SLC9A8: variants seen among roughly 807,000 people sequenced by gnomAD.
The protein encoded by SLC9A8 is solute carrier family 9 member A8, also known as sodium/hydrogen exchanger 8.
SLC9A8 carries 48 observed loss-of-function variants against 66.6 expected under a neutral mutation model. The observed-to-expected ratio is 0.72, with a 90% CI of 0.57 to 0.92. The LOEUF is 0.92. Among genes scored for constraint, SLC9A8 ranks in the 40% least tolerant of loss-of-function variants. The probability of loss-of-function intolerance (pLI) is 0.00; values close to 1 mark genes in which losing one functional copy is unlikely to be tolerated. For synonymous variants in SLC9A8, 274 were observed against 282.6 expected (o/e 0.97, Z 0.31); for missense variants, 599 against 747.3 (o/e 0.80, Z 2.31).
intron 3 of SLC9A8, chr20:49,830,063 A>G: frequency 1.4e-6 from 1 of 712,840 alleles, no homozygotes; most frequent in Non-Finnish European, 2.6e-6. Flanking sequence ...CGAGCCTGTT[A>G]AAGATGCAGA....
rs1285300751 is a variant in SLC9A8, at chr20:49,834,193, A to C, written c.290-5348A>C. Among the ~76,000 whole-genome samples the C allele has an allele frequency of 8.7e-3, 577 of 66,640 alleles. 5 individuals carry two copies. Among genetic ancestry groups the C allele is most frequent in the African/African-American group, 0.015 (264 of 17,874 alleles). The allele number at this position is 66,640 out of a possible 152,430, so 43.7% of individuals were successfully genotyped here. A position where few individuals can be genotyped will look rare whatever the true frequency, so the allele number is the denominator to read the frequency against. ...TCTCTCTCTCTCTCTCTCTATATATATATATATATATATATATATATACAC... is the reference window on the plus strand; with the variant it reads ...TCTCTCTCTCTCTCTCTCTATATATCTATATATATATATATATATATACAC... On this transcript the variant is annotated intron_variant, in intron 3 of 15. Coordinates refer to ENST00000361573, the MANE Select transcript of SLC9A8 (RefSeq NM_015266.3).
intron 3 of SLC9A8, among the ~76,000 whole-genome samples, chr20:49,836,792 C>G (rs1298014280): frequency 6.6e-6 from 1 of 152,096 alleles, no homozygotes; most frequent in Non-Finnish European, 1.5e-5. Context: ...TTTTACATTC[C>G]CATCAGCAAT....
At chr20:49,855,604 G>A (rs2088441411) in intron 8 of SLC9A8, 23 bp downstream of exon 8, 3 of 1,609,488 alleles carry the variant, frequency 1.9e-6, no homozygotes, top group African/African-American at 1.3e-5. Flanking sequence ...GCAGAGAACA[G>A]ACTTTTTTCA....
At chr20:49,867,646 C>G (rs1487508927) in intron 10 of SLC9A8, among the ~76,000 whole-genome samples, 1 of 152,234 alleles carries the variant, frequency 6.6e-6, no homozygotes, top group Admixed American at 6.5e-5. Flanking sequence ...GCCTCAGCCT[C>G]AGGCAGTCAG....
intron 3 of SLC9A8, among the ~76,000 whole-genome samples, chr20:49,837,727 C>T (rs548351402): frequency 2.7e-4 from 41 of 152,086 alleles, no homozygotes; most frequent in African/African-American, 9.6e-4. Context: ...CCGCCATGCC[C>T]GGCTAATTTT....
intron 8 of SLC9A8, 26 bp from the exon 9 acceptor site, chr20:49,862,899 AATTT>A (rs760226237): frequency 4.5e-6 from 7 of 1,556,046 alleles, no homozygotes; most frequent in Middle Eastern, 1.7e-4. Context: ...ATAACATTTT[AATTT>A]ATTTCTGTTT....
At position 49,891,058 on chromosome 20, in the gene SLC9A8, C is replaced by G. The variant is rs1221288598; in HGVS notation, c.*3122C>G. 6.6e-6 allele frequency: 1 copy of G among 152,252 alleles called. No homozygotes were observed. Among genetic ancestry groups the G allele is most frequent in the Non-Finnish European group, 1.5e-5 (1 of 68,108 alleles). 9.4% of individuals were successfully genotyped at this position (152,252 alleles called of 1,614,324 possible). Reference sequence around the variant, plus strand: ...CTTGGAGAGTCCTCAGCAGGGTAGCCGAGGCCAGGCCACTTCTGCTGAGGA... The same window carrying G: ...CTTGGAGAGTCCTCAGCAGGGTAGCGGAGGCCAGGCCACTTCTGCTGAGGA... On this transcript the variant is annotated 3_prime_UTR_variant, in exon 16 of 16. Transcript: ENST00000361573.
intron 3 of SLC9A8, among the ~76,000 whole-genome samples, chr20:49,823,945 G>A (rs900901646): frequency 6.6e-6 from 1 of 152,082 alleles, no homozygotes; most frequent in Admixed American, 6.5e-5. Flanking sequence ...AACTTTCATT[G>A]CCTGGTAGAT....
Position 49,815,710 on chromosome 20 carries a change from A to T in SLC9A8, c.208+521A>T, listed in dbSNP as rs139655318. Among the ~76,000 whole-genome samples the T allele has an allele frequency of 7.1e-3, 1,085 of 152,036 alleles. 13 individuals are homozygous for T. The highest frequency in any genetic ancestry group is 0.024 in the African/African-American group (1,012 of 41,472). ...CAGTGAGCCGAGATCACGCCGCTGCACTCCAGCCTGGATGACAGAGTAAGA... is the reference window on the plus strand; with the variant it reads ...CAGTGAGCCGAGATCACGCCGCTGCTCTCCAGCCTGGATGACAGAGTAAGA... On this transcript the variant is annotated intron_variant, in intron 2 of 15. Coordinates refer to ENST00000361573, the MANE Select transcript of SLC9A8 (RefSeq NM_015266.3).
At chr20:49,866,270 G>A (rs770957149) in intron 10 of SLC9A8, among the ~76,000 whole-genome samples, 3 of 152,108 alleles carry the variant, frequency 2.0e-5, no homozygotes, top group Admixed American at 2.0e-4. Context: ...GTAGTTTATC[G>A]TTCTTATTGC....
chr20:49,885,868 A>G (rs932693107), intron 14 of SLC9A8, among the ~76,000 whole-genome samples: 2 of 152,166 alleles, frequency 1.3e-5, no homozygotes, highest in African/African-American at 4.8e-5. Context: ...AGTCCTCAAA[A>G]TGGGCTCCCC....
At chr20:49,830,631 T>G (rs2087136670) in intron 3 of SLC9A8, 1 of 621,874 alleles carries the variant, frequency 1.6e-6, no homozygotes, top group Non-Finnish European at 2.9e-6. Flanking sequence ...GTTGGTGATC[T>G]TAGCAGCTGG....
At chr20:49,835,249 T>C (rs2087483331) in intron 3 of SLC9A8, among the ~76,000 whole-genome samples, 2 of 151,894 alleles carry the variant, frequency 1.3e-5, no homozygotes, top group Admixed American at 1.3e-4. Context: ...CAGAGTGGCA[T>C]GTACAAGCAT....
chr20:49,863,287 T>G (rs538872255), intron 9 of SLC9A8, among the ~76,000 whole-genome samples: 1 of 152,250 alleles, frequency 6.6e-6, no homozygotes, highest in Non-Finnish European at 1.5e-5. Context: ...TTAAAAAACA[T>G]GTACACTGTT....
chr20:49,828,460 G>A (rs918770132), intron 3 of SLC9A8, among the ~76,000 whole-genome samples: 1 of 151,000 alleles, frequency 6.6e-6, no homozygotes, highest in Non-Finnish European at 1.5e-5. Context: ...CCGACCTCAG[G>A]TGATCCACCA....
chr20:49,864,955 G>A (rs898633682), intron 10 of SLC9A8, 111 bp downstream of exon 10: 6 of 723,940 alleles, frequency 8.3e-6, no homozygotes, highest in African/African-American at 7.0e-5. Context: ...TCACAACTCA[G>A]AAGAGCTTAA....
intron 3 of SLC9A8, among the ~76,000 whole-genome samples, chr20:49,833,598 T>C (rs770010678): frequency 2.0e-5 from 3 of 152,218 alleles, no homozygotes; most frequent in Non-Finnish European, 4.4e-5. Context: ...TGTAGTAGTG[T>C]AGGCAGCCTG....
At chr20:49,830,601 C>T in intron 3 of SLC9A8, 1 of 612,028 alleles carries the variant, frequency 1.6e-6, no homozygotes. Flanking sequence ...AGGGAATCAG[C>T]AGCTTTCTAA....
intron 8 of SLC9A8, among the ~76,000 whole-genome samples, chr20:49,862,365 G>A (rs1193955150): frequency 3.3e-5 from 5 of 152,056 alleles, no homozygotes; most frequent in African/African-American, 7.2e-5. Context: ...GGGTTCAAGC[G>A]ATTCTCCTGC....
Sources: gnomAD v4.1 joint callset for allele counts (sites outside exome capture counted in the v4.1 genomes callset) on GRCh38, gnomAD v4.1.1 for gene constraint, MANE v1.5 for transcripts, NCBI Gene and HGNC (gene_info 2026-07-23, HGNC 2026-07-21) for gene names.